Variants in SPO11 observed in about 807,000 individuals in gnomAD.
SPO11 encodes SPO11 initiator of meiotic double strand breaks.
A neutral mutation model predicts 51.6 loss-of-function variants in SPO11; 49 were observed. That is an observed-to-expected ratio of 0.95 (90% confidence interval 0.75 to 1.20). The LOEUF (loss-of-function observed/expected upper bound fraction) is 1.20, where lower values mean the gene tolerates loss of function less well. SPO11 is among the 50% of genes most tolerant of loss of function. SPO11 has a pLI of 0.00. For synonymous variants in SPO11, 176 were observed against 158.2 expected (o/e 1.11, Z -0.84); for missense variants, 431 against 473.4 (o/e 0.91, Z 0.83).
chr20:57,337,498 C>T (rs763608661), intron 8 of SPO11, among the ~76,000 whole-genome samples: 2 of 152,176 alleles, frequency 1.3e-5, no homozygotes, highest in African/African-American at 4.8e-5. Context: ...TGCCTAGCCC[C>T]GCAACTGCTG....
rs776680379 is a variant in SPO11 at position 57,329,837 on chromosome 20, C to T, written c.-31C>T. 10 of 1,600,574 alleles carry T rather than the reference C, an allele frequency of 6.2e-6. No homozygotes were observed. In the East Asian group the frequency reaches 1.3e-4, roughly 22 times the overall value. ...CCAAGGGCGCAGCCTAGGACAGGGG[C>T]TTCTGGAGCTTCTGGCAGCCGTCTG... On this transcript the variant is annotated 5_prime_UTR_variant, in exon 1 of 13. Coordinates refer to ENST00000371263, the MANE Select transcript of SPO11 (RefSeq NM_012444.3).
At chr20:57,336,219 T>C (rs2066511304) in intron 8 of SPO11, among the ~76,000 whole-genome samples, 1 of 152,170 alleles carries the variant, frequency 6.6e-6, no homozygotes, top group South Asian at 2.1e-4. Context: ...CTTTCTTCCT[T>C]GAAAAGCTGA....
At chr20:57,335,530 CCTT>C in intron 7 of SPO11, 75 bp downstream of exon 7, 4 of 1,446,054 alleles carry the variant, frequency 2.8e-6, no homozygotes, top group Non-Finnish European at 3.8e-6. Flanking sequence ...GTAAGCCAAG[CCTT>C]CATAATGTGT....
intron 9 of SPO11, among the ~76,000 whole-genome samples, chr20:57,338,715 G>A (rs925967844): frequency 6.6e-6 from 1 of 152,042 alleles, no homozygotes; most frequent in Non-Finnish European, 1.5e-5. Context: ...AAAGTGCTGG[G>A]ATTACAGGCA....
Position 57,342,717 on chromosome 20 carries a change from A to G in SPO11, c.960-12A>G, listed in dbSNP as rs2066597764. The G allele has an allele frequency of 6.4e-7, 1 of 1,561,834 alleles. No homozygotes were observed. Among genetic ancestry groups the G allele is most frequent in the East Asian group, 2.2e-5 (1 of 44,596 alleles). Reference sequence around the variant, plus strand: ...ACTTTTTTACTGATTTTTTTCACCTACTTTTTTCCAGATTAAATGTACCTA... The same window carrying G: ...ACTTTTTTACTGATTTTTTTCACCTGCTTTTTTCCAGATTAAATGTACCTA... On this transcript the variant is annotated splice_polypyrimidine_tract_variant and intron_variant, in intron 11 of 12. Transcript: ENST00000371263.
At chr20:57,335,089 G>A (rs1011987271) in intron 6 of SPO11, among the ~76,000 whole-genome samples, 1 of 152,206 alleles carries the variant, frequency 6.6e-6, no homozygotes, top group African/African-American at 2.4e-5. Flanking sequence ...CAGATAAAGT[G>A]TGGCTTGGTC....
Position 57,329,818 on chromosome 20 carries a change from G to A in SPO11, c.-50G>A. ...AAAGGCACGCAGCCACGCCCCAAGG[G>A]CGCAGCCTAGGACAGGGGCTTCTGG... On this transcript the variant is annotated 5_prime_UTR_variant, in exon 1 of 13. Coordinates refer to ENST00000371263, the MANE Select transcript of SPO11 (RefSeq NM_012444.3). 1 of 1,558,088 alleles carries A rather than the reference G, an allele frequency of 6.4e-7. No individual in the cohort carries two copies. Among genetic ancestry groups the A allele is most frequent in the Non-Finnish European group, 8.7e-7 (1 of 1,151,600 alleles).
At chr20:57,343,231 C>T in intron 12 of SPO11, 110 bp from the exon 13 acceptor site, 1 of 1,306,612 alleles carries the variant, frequency 7.7e-7, no homozygotes, top group Non-Finnish European at 1.1e-6. Context: ...ACCCTTAAGA[C>T]TATTGTCCCT....
chr20:57,341,837 A>G (rs910838741), intron 11 of SPO11, among the ~76,000 whole-genome samples: 1 of 152,230 alleles, frequency 6.6e-6, no homozygotes, highest in East Asian at 1.9e-4. Flanking sequence ...TGCATCTCAT[A>G]AATTCTATCA....
At position 57,338,147 on chromosome 20, in the gene SPO11, T is replaced by C. The variant is rs940380130; in HGVS notation, c.745-129T>C. 1.7e-5 allele frequency: 12 copies of C among 712,766 alleles called. No homozygotes were observed. The African/African-American group carries it at 1.8e-4, about 11-fold the overall frequency. 44.2% of individuals were successfully genotyped at this position (712,766 alleles called of 1,614,324 possible). A position where few individuals can be genotyped will look rare whatever the true frequency, so the allele number is the denominator to read the frequency against. ...GGTGATCGATCCCCCTACCTTGGCCTCCCAACGTGCTGGGATTACAGGCGT... is the reference window on the plus strand; with the variant it reads ...GGTGATCGATCCCCCTACCTTGGCCCCCCAACGTGCTGGGATTACAGGCGT... On this transcript the variant is annotated intron_variant, in intron 8 of 12. Coordinates refer to ENST00000371263, the MANE Select transcript of SPO11 (RefSeq NM_012444.3).
Position 57,334,801 on chromosome 20 carries a change from G to T in SPO11, c.562G>T (p.Asp188Tyr), listed in dbSNP as rs2066491912. Residue 188 changes from aspartate (D) to tyrosine (Y), a missense_variant, in exon 6 of 13, where the codon GAT becomes TAT. Asp to Tyr is a radical substitution (Grantham distance 160). This residue lies in a region of SPO11 where 405 missense variants were observed against 425.9 expected (regional missense o/e 0.95). Coordinates refer to ENST00000371263, the MANE Select transcript of SPO11 (RefSeq NM_012444.3). Reference protein sequence around the residue: ...IAGNLRYIEEDGTKVNCTCGA... With the variant: ...IAGNLRYIEEYGTKVNCTCGA... ...TGGCAACTTAAGATACATCGAGGAA[G>T]ATGGCACCAAAGTGAATTGTACCTG... 6.2e-7 allele frequency: 1 copy of T among 1,613,932 alleles called. No individual in the cohort carries two copies. Among genetic ancestry groups the T allele is most frequent in the Non-Finnish European group, 8.5e-7 (1 of 1,179,884 alleles).
At chr20:57,335,981 T>C (rs1159820082) in intron 8 of SPO11, 74 bp downstream of exon 8, 1 of 827,594 alleles carries the variant, frequency 1.2e-6, no homozygotes, top group Non-Finnish European at 2.0e-6. Flanking sequence ...GGATTTACAA[T>C]ATTATCTACA....
chr20:57,330,653 A>T (rs978860849), intron 1 of SPO11, among the ~76,000 whole-genome samples: 1 of 152,230 alleles, frequency 6.6e-6, no homozygotes, highest in Non-Finnish European at 1.5e-5. Flanking sequence ...ACTTAAAAAT[A>T]CTTTATTTTG....
chr20:57,329,988 C>T lies in SPO11; in HGVS notation c.121C>T (p.Leu41=), dbSNP rs1453709024. The T allele has an allele frequency of 4.4e-6, 7 of 1,600,810 alleles. No individual in the cohort carries two copies. Among genetic ancestry groups the T allele is most frequent in the African/African-American group, 2.7e-5 (2 of 74,788 alleles). ...GGAGCCCCCAACTGGGGGAAGCCGC[C>T]TGGCCTCCAGGTACAGGAGCTGGTG... ...GREPPTGGSR[L]ASSSEVLASI... Residue 41 remains leucine (L), a synonymous_variant, in exon 1 of 13, where the codon CTG becomes TTG. Transcript: ENST00000371263.
At chr20:57,334,883 C>T in intron 6 of SPO11, 47 bp downstream of exon 6, 1 of 1,492,292 alleles carries the variant, frequency 6.7e-7, no homozygotes, top group Non-Finnish European at 9.3e-7. Context: ...CTTCTAGCTC[C>T]TTCAGTTTTG....
At chr20:57,333,435 G>A (rs1342105187) in intron 3 of SPO11, among the ~76,000 whole-genome samples, 159 bp downstream of exon 3, 2 of 152,044 alleles carry the variant, frequency 1.3e-5, no homozygotes, top group Non-Finnish European at 2.9e-5. Context: ...AATAACTATG[G>A]AAGTAGGTTA....
chr20:57,337,243 C>T (rs1017204984), intron 8 of SPO11, among the ~76,000 whole-genome samples: 1 of 152,208 alleles, frequency 6.6e-6, no homozygotes, highest in African/African-American at 2.4e-5. Context: ...TGTTGTAACA[C>T]TCTTCAATTT....
chr20:57,336,463 C>G (rs2066514577), intron 8 of SPO11, among the ~76,000 whole-genome samples: 1 of 152,204 alleles, frequency 6.6e-6, no homozygotes, highest in African/African-American at 2.4e-5. Context: ...TCTCTCATCC[C>G]TGCCACACCA....
chr20:57,342,362 C>T (rs1390252630), intron 11 of SPO11, among the ~76,000 whole-genome samples: 2 of 152,234 alleles, frequency 1.3e-5, no homozygotes, highest in African/African-American at 2.4e-5. Context: ...GTGTGAAGCT[C>T]TGAGAGGCTT....
Sources: allele counts gnomAD v4.1 joint callset (sites outside exome capture counted in the v4.1 genomes callset), GRCh38; gene constraint gnomAD v4.1.1; regional missense constraint gnomAD v4.1.1; transcripts MANE v1.5; gene names NCBI Gene and HGNC (gene_info 2026-07-23, HGNC 2026-07-21).